The following C21orf91 variants were observed in gnomAD, a reference collection of about 807,000 sequenced individuals.
C21orf91 encodes the protein protein EURL homolog.
In C21orf91, 26 loss-of-function variants were observed where a neutral mutation model predicts 32.9. The ratio of observed to expected loss-of-function variants is 0.79; its 90% CI spans 0.58 to 1.10. C21orf91 has a LOEUF of 1.10. Ranked by LOEUF, C21orf91 falls within the 50% of genes least tolerant of loss-of-function variation. The probability of loss-of-function intolerance (pLI) is 0.00; values close to 1 mark genes in which losing one functional copy is unlikely to be tolerated. For missense variants in C21orf91, 310 were observed against 341.3 expected, an observed-to-expected ratio of 0.91 and a Z score of 0.72; for synonymous variants, 126 against 120.4, an observed-to-expected ratio of 1.05 and a Z score of -0.31.
intron 2 of C21orf91, among the ~76,000 whole-genome samples, chr21:17,799,023 C>A (rs767191782): frequency 6.6e-6 from 1 of 152,134 alleles, no homozygotes; most frequent in Non-Finnish European, 1.5e-5. Context: ...TCCCTCAAAA[C>A]CGTAAATGGT....
chr21:17,818,269 ATGT>A lies in C21orf91; in HGVS notation c.47_49del (p.Asn16del), dbSNP rs2062678396. 1.2e-6 allele frequency: 2 copies of A among 1,611,996 alleles called. No individual in the cohort carries two copies. The highest frequency in any genetic ancestry group is 2.2e-5 in the South Asian group (2 of 91,044). On this transcript the variant is annotated inframe_deletion, in exon 2 of 5. Coordinates refer to ENST00000284881, the MANE Select transcript of C21orf91 (RefSeq NM_001100420.2). ...TGTTCCCAGTTTACAAACACTGCAA[ATGT>A]TGTCATCATTCAAATCAATGTTTAC...
At chr21:17,811,553 G>A (rs994556133) in intron 2 of C21orf91, 1 of 152,070 alleles carries the variant, frequency 6.6e-6, no homozygotes, top group Non-Finnish European at 1.5e-5. Flanking sequence ...GCAAATAATC[G>A]TTTCTGGAGA....
chr21:17,808,252 A>T (rs2062611071), intron 2 of C21orf91, among the ~76,000 whole-genome samples: 2 of 152,202 alleles, frequency 1.3e-5, no homozygotes, highest in South Asian at 2.1e-4. Context: ...TGCTCCAGAG[A>T]GTGCAAGCTG....
At position 17,810,818 on chromosome 21, in the gene C21orf91, C is replaced by A. The variant is rs988025467; in HGVS notation, c.127+7374G>T. The A allele has an allele frequency of 3.9e-5, 6 of 152,166 alleles. No homozygotes were observed. In the South Asian group the frequency reaches 1.2e-3, roughly 32 times the overall value. 9.4% of individuals were successfully genotyped at this position (152,166 alleles called of 1,614,324 possible). ...GCTCCTCCCATCTCTCTGATTAACACCAATCCAATAAAAATTTCTCAAAAC... is the reference window on the plus strand; with the variant it reads ...GCTCCTCCCATCTCTCTGATTAACAACAATCCAATAAAAATTTCTCAAAAC... On this transcript the variant is annotated intron_variant, in intron 2 of 4. Coordinates refer to ENST00000284881, the MANE Select transcript of C21orf91 (RefSeq NM_001100420.2).
chr21:17,794,215 T>C (rs896189278), intron 4 of C21orf91, among the ~76,000 whole-genome samples: 1 of 152,240 alleles, frequency 6.6e-6, no homozygotes, highest in East Asian at 1.9e-4. Context: ...AAATCCTTGA[T>C]CTGCTACTGA....
At chr21:17,818,621 C>T (rs952881517) in intron 1 of C21orf91, among the ~76,000 whole-genome samples, 1 of 152,224 alleles carries the variant, frequency 6.6e-6, no homozygotes, top group Non-Finnish European at 1.5e-5. Flanking sequence ...GCATTCTAGT[C>T]CTCCTCCTTC....
Position 17,793,280 on chromosome 21 carries a change from T to C in C21orf91, c.*135A>G. 3.6e-6 allele frequency: 2 copies of C among 550,500 alleles called. No homozygotes were observed. The highest frequency in any genetic ancestry group is 3.2e-6 in the Non-Finnish European group (1 of 313,984). The allele number at this position is 550,500 out of a possible 1,614,324, so 34.1% of individuals were successfully genotyped here. ...AATGATCTGCTTTATTTGACAAAGA[T>C]GTTAAATACTGCCTTATGTTTGGCA... On this transcript the variant is annotated 3_prime_UTR_variant, in exon 5 of 5. Transcript: ENST00000284881.
At chr21:17,800,065 G>C (rs1164537133) in intron 2 of C21orf91, among the ~76,000 whole-genome samples, 1 of 152,050 alleles carries the variant, frequency 6.6e-6, no homozygotes, top group Non-Finnish European at 1.5e-5. Context: ...TGGCATTCCT[G>C]TGGCATCATT....
chr21:17,796,607 C>T lies in C21orf91; in HGVS notation c.639G>A (p.Gln213=). The T allele has an allele frequency of 2.5e-6, 4 of 1,612,930 alleles. No homozygotes were observed. In the South Asian group the frequency reaches 3.3e-5, roughly 13 times the overall value. Residue 213 remains glutamine (Q), a synonymous_variant, in exon 3 of 5, where the codon CAG becomes CAA. Coordinates refer to ENST00000284881, the MANE Select transcript of C21orf91 (RefSeq NM_001100420.2). ...ATTCCTCTCTGCTGTAATGTGGATG[C>T]TGGGTCTGGACATTAGCCTCTGGAC... The part of the protein sequence containing the change: ...ISSPEANVQT[Q]HPHYSREELN...
chr21:17,815,400 G>A (rs577895626), intron 2 of C21orf91, among the ~76,000 whole-genome samples: 40 of 152,138 alleles, frequency 2.6e-4, no homozygotes, highest in African/African-American at 9.6e-4. Flanking sequence ...CACTAAACTA[G>A]TAAAGTTAAA....
intron 2 of C21orf91, 82 bp downstream of exon 2, chr21:17,818,110 C>T (rs243556): frequency 0.77 from 682,640 of 890,930 alleles, 264,416 homozygotes; most frequent in African/African-American, 0.95. Context: ...TCATTGAAGA[C>T]ATTTTAGTTT....
In C21orf91 at chr21:17,791,100, T is replaced by C. The variant is rs947681588; in HGVS notation, c.*2315A>G. ...AACTCAACTCTGTACCTGATACTTA[T>C]ATTTGCATACACAGTAATTGCATAT... On this transcript the variant is annotated 3_prime_UTR_variant, in exon 5 of 5. Coordinates refer to ENST00000284881, the MANE Select transcript of C21orf91 (RefSeq NM_001100420.2). 5 of 152,166 alleles carry C rather than the reference T, an allele frequency of 3.3e-5. No individual in the cohort carries two copies. Among genetic ancestry groups the C allele is most frequent in the Admixed American group, 6.5e-5 (1 of 15,282 alleles). The allele number at this position is 152,166 out of a possible 1,614,324, so 9.4% of individuals were successfully genotyped here.
intron 2 of C21orf91, among the ~76,000 whole-genome samples, chr21:17,807,076 ATATTT>A: frequency 6.6e-6 from 1 of 152,354 alleles, no homozygotes; most frequent in East Asian, 1.9e-4. Flanking sequence ...TGTAGGAATT[ATATTT>A]TATCTATACT....
intron 2 of C21orf91, among the ~76,000 whole-genome samples, chr21:17,807,959 C>A (rs1602143): frequency 0.27 from 41,109 of 152,140 alleles, 6,603 homozygotes; most frequent in East Asian, 0.35. Context: ...GCAGCCTGAC[C>A]GTGTGGTAGA....
At position 17,803,307 on chromosome 21, in the gene C21orf91, C is replaced by G. The variant is rs143959300; in HGVS notation, c.128-6189G>C. 8.5e-5 allele frequency among the ~76,000 whole-genome samples: 13 copies of G among 152,244 alleles called. No homozygotes were observed. The East Asian group carries it at 2.5e-3, about 29-fold the overall frequency. The stretch of plus-strand genomic sequence containing the variant: ...AGGCCAAGCCAGGTGGACTGCCTGA[C>G]CCCAGGAATTTGAGAGTCGTCTGGG... On this transcript the variant is annotated intron_variant, in intron 2 of 4. Coordinates refer to ENST00000284881, the MANE Select transcript of C21orf91 (RefSeq NM_001100420.2).
At chr21:17,801,396 GA>G (rs2062559569) in intron 2 of C21orf91, among the ~76,000 whole-genome samples, 1 of 151,584 alleles carries the variant, frequency 6.6e-6, no homozygotes, top group Non-Finnish European at 1.5e-5. Context: ...TCAGCCTCCC[GA>G]GTAGCTGGGA....
chr21:17,818,382 GTTCCCT>G (rs1450208778), intron 1 of C21orf91, 57 bp from the exon 2 acceptor site: 29 of 1,460,108 alleles, frequency 2.0e-5, no homozygotes, highest in Non-Finnish European at 2.5e-5. Flanking sequence ...CTTTGGGGTA[GTTCCCT>G]TTACTGGGAA....
chr21:17,805,549 G>A (rs549240523), intron 2 of C21orf91, among the ~76,000 whole-genome samples: 1 of 152,056 alleles, frequency 6.6e-6, no homozygotes, highest in Non-Finnish European at 1.5e-5. Flanking sequence ...CCTGATATCA[G>A]GTGACCCACT....
intron 4 of C21orf91, among the ~76,000 whole-genome samples, chr21:17,793,824 C>T (rs1257927538): frequency 1.3e-5 from 2 of 152,204 alleles, no homozygotes; most frequent in African/African-American, 4.8e-5. Flanking sequence ...CAGAGATACA[C>T]AGCAAAAATG....
Sources: allele counts gnomAD v4.1 joint callset (sites outside exome capture counted in the v4.1 genomes callset), GRCh38; gene constraint gnomAD v4.1.1; transcripts MANE v1.5; gene names NCBI Gene and HGNC (gene_info 2026-07-23, HGNC 2026-07-21).